TSHZ2: variants seen among roughly 807,000 people sequenced by gnomAD.
TSHZ2 encodes teashirt homolog 2.
A neutral mutation model predicts 74.4 loss-of-function variants in TSHZ2; 21 were observed. The ratio of observed to expected loss-of-function variants is 0.28; its 90% CI spans 0.20 to 0.41. The LOEUF (loss-of-function observed/expected upper bound fraction) is 0.41. TSHZ2 is among the 10% of genes least tolerant of loss of function. The pLI, the probability that TSHZ2 is intolerant of heterozygous loss-of-function variation, is 1.00. For synonymous variants in TSHZ2, 540 were observed against 515.3 expected, an observed-to-expected ratio of 1.05 and a Z score of -0.65; for missense variants, 1,244 against 1,293.5, an observed-to-expected ratio of 0.96 and a Z score of 0.59.
intron 1 of TSHZ2, among the ~76,000 whole-genome samples, chr20:53,162,468 C>T (rs1435927856): frequency 1.3e-5 from 2 of 152,188 alleles, no homozygotes; most frequent in African/African-American, 4.8e-5. Flanking sequence ...AACTCGACTT[C>T]AGTTTCTCTG....
At chr20:53,416,038 G>C (rs1382233769) in intron 2 of TSHZ2, among the ~76,000 whole-genome samples, 1 of 152,238 alleles carries the variant, frequency 6.6e-6, no homozygotes, top group African/African-American at 2.4e-5. Context: ...TTTCAGTGGG[G>C]ACTAACGCAG....
intron 2 of TSHZ2, among the ~76,000 whole-genome samples, chr20:53,371,493 G>T (rs2145623114): frequency 6.6e-6 from 1 of 152,304 alleles, no homozygotes; most frequent in East Asian, 1.9e-4. Flanking sequence ...TCCTGGGATG[G>T]CTGTATGAAG....
At chr20:53,063,747 A>C (rs1984891914) in intron 1 of TSHZ2, among the ~76,000 whole-genome samples, 1 of 152,236 alleles carries the variant, frequency 6.6e-6, no homozygotes, top group African/African-American at 2.4e-5. Flanking sequence ...TGAATATGCA[A>C]GGAAATTTGA....
At chr20:53,283,018 A>G (rs1991094463) in intron 2 of TSHZ2, among the ~76,000 whole-genome samples, 1 of 152,224 alleles carries the variant, frequency 6.6e-6, no homozygotes, top group Non-Finnish European at 1.5e-5. Context: ...TTCAGCATTT[A>G]TTATGTACCA....
At chr20:53,145,014 A>G (rs1987505906) in intron 1 of TSHZ2, among the ~76,000 whole-genome samples, 1 of 152,236 alleles carries the variant, frequency 6.6e-6, no homozygotes, top group South Asian at 2.1e-4. Flanking sequence ...TTGTTAAAAC[A>G]ATAAAATGAA....
At chr20:53,316,175 A>G (rs1979008148) in intron 2 of TSHZ2, among the ~76,000 whole-genome samples, 1 of 152,230 alleles carries the variant, frequency 6.6e-6, no homozygotes, top group South Asian at 2.1e-4. Flanking sequence ...AGAAAGGAAA[A>G]TGATGTCAAC....
rs183561839 is a variant in TSHZ2 at position 53,193,082 on chromosome 20, G to C, written c.41-60417G>C. 1.6e-3 allele frequency among the ~76,000 whole-genome samples: 239 copies of C among 151,064 alleles called. 1 individual carries two copies. The highest frequency in any genetic ancestry group is 5.4e-3 in the African/African-American group (223 of 41,146). On this transcript the variant is annotated intron_variant, in intron 1 of 2. Coordinates refer to ENST00000371497, the MANE Select transcript of TSHZ2 (RefSeq NM_173485.6). ...GGATGGTGTGGAAGACCCCAAAACA[G>C]AGTATGGTAACCACCTACCTGTGTC...
chr20:53,384,954 C>G (rs945921237), intron 2 of TSHZ2, among the ~76,000 whole-genome samples: 3 of 152,110 alleles, frequency 2.0e-5, no homozygotes, highest in Admixed American at 6.5e-5. Flanking sequence ...AACCCCGTCT[C>G]TACTAAAAAT....
At chr20:53,297,053 C>T (rs933264119) in intron 2 of TSHZ2, among the ~76,000 whole-genome samples, 1 of 152,280 alleles carries the variant, frequency 6.6e-6, no homozygotes, top group Admixed American at 6.5e-5. Context: ...TGTCCCATGA[C>T]CCCTGGTGAT....
At chr20:53,475,814 T>A (rs1268518473) in intron 2 of TSHZ2, among the ~76,000 whole-genome samples, 2 of 138,048 alleles carry the variant, frequency 1.4e-5, no homozygotes, top group Non-Finnish European at 3.1e-5. Context: ...CAATAAAAAA[T>A]GACAAAGGGG....
At position 53,416,113 on chromosome 20, in the gene TSHZ2, G is replaced by A. The variant is rs1362734377; in HGVS notation, c.*9-71031G>A. On this transcript the variant is annotated intron_variant, in intron 2 of 2. Transcript: ENST00000371497. ...TGAAGGGCAGGTGGGTGGTGGAGAC[G>A]AGTGGAGGCAGAGAGGCCATGTGAG... Among the ~76,000 whole-genome samples, 2 of 152,276 alleles carry A rather than the reference G, an allele frequency of 1.3e-5. 1 individual carries two copies. Among genetic ancestry groups the A allele is most frequent in the Non-Finnish European group, 2.9e-5 (2 of 68,020 alleles).
intron 2 of TSHZ2, among the ~76,000 whole-genome samples, chr20:53,356,275 A>G (rs776206053): frequency 3.3e-5 from 5 of 152,186 alleles, no homozygotes; most frequent in Non-Finnish European, 5.9e-5. Flanking sequence ...GTGAGATACA[A>G]AATAATTTAC....
intron 1 of TSHZ2, among the ~76,000 whole-genome samples, chr20:53,156,881 A>G (rs1178803512): frequency 6.6e-6 from 1 of 152,240 alleles, no homozygotes; most frequent in Non-Finnish European, 1.5e-5. Context: ...TGTTGAAATG[A>G]CCTGAGTGTC....
chr20:53,141,305 C>G lies in TSHZ2; in HGVS notation c.41-112194C>G, dbSNP rs575599664. 1.6e-4 allele frequency among the ~76,000 whole-genome samples: 24 copies of G among 152,238 alleles called. No homozygotes were observed. The South Asian group carries it at 4.4e-3, about 28-fold the overall frequency. On this transcript the variant is annotated intron_variant, in intron 1 of 2. Coordinates refer to ENST00000371497, the MANE Select transcript of TSHZ2 (RefSeq NM_173485.6). The stretch of plus-strand genomic sequence containing the variant: ...TTTTCAGACTGGCGAAGGCTGGGAG[C>G]CCAGGGCATCATTAGTATCCTTCCA...
chr20:53,195,801 C>T (rs766734626), intron 1 of TSHZ2, among the ~76,000 whole-genome samples: 5 of 152,104 alleles, frequency 3.3e-5, no homozygotes, highest in Non-Finnish European at 5.9e-5. Flanking sequence ...AAACTGTTGC[C>T]GAACTAGTAT....
intron 1 of TSHZ2, among the ~76,000 whole-genome samples, chr20:53,107,727 G>A (rs1437527373): frequency 6.6e-6 from 1 of 152,230 alleles, no homozygotes; most frequent in African/African-American, 2.4e-5. Context: ...ATGGGTGGGA[G>A]ACCGTATCTT....
intron 1 of TSHZ2, among the ~76,000 whole-genome samples, chr20:53,167,005 T>A (rs1194721706): frequency 1.3e-5 from 2 of 151,996 alleles, no homozygotes; most frequent in African/African-American, 4.8e-5. Context: ...GAAGGTGACA[T>A]ATAGGCTGTG....
At position 53,246,061 on chromosome 20, in the gene TSHZ2, A is replaced by T. The variant is rs550084106; in HGVS notation, c.41-7438A>T. ...CTTTCTTTTTTTTTTTTTGTTTGAGACAGAGTCTTGCTATCTTGGACAGGC... is the reference window on the plus strand; with the variant it reads ...CTTTCTTTTTTTTTTTTTGTTTGAGTCAGAGTCTTGCTATCTTGGACAGGC... On this transcript the variant is annotated intron_variant, in intron 1 of 2. Transcript: ENST00000371497. 2.7e-5 allele frequency among the ~76,000 whole-genome samples: 3 copies of T among 109,820 alleles called. No homozygotes were observed. In the South Asian group the frequency reaches 7.0e-4, roughly 26 times the overall value. 72.0% of individuals were successfully genotyped at this position (109,820 alleles called of 152,430 possible).
At chr20:53,185,364 G>T (rs998860430) in intron 1 of TSHZ2, 198 of 1,176,672 alleles carry the variant, frequency 1.7e-4, no homozygotes, top group Non-Finnish European at 2.0e-4. Flanking sequence ...CTCCAAAATT[G>T]GTGATAGCCT....
Sources: gnomAD v4.1 joint callset for allele counts (sites outside exome capture counted in the v4.1 genomes callset) on GRCh38, gnomAD v4.1.1 for gene constraint, MANE v1.5 for transcripts, NCBI Gene and HGNC (gene_info 2026-07-23, HGNC 2026-07-21) for gene names.